SLC49A3: variants seen among roughly 807,000 people sequenced by gnomAD.
SLC49A3 encodes the protein solute carrier family 49 member 3, also known as solute carrier family 49 member A3.
Under a neutral mutation model 43.8 loss-of-function variants are expected in SLC49A3, and 50 were observed. The ratio of observed to expected loss-of-function variants is 1.14; its 90% CI spans 0.91 to 1.45. SLC49A3 has a LOEUF of 1.45. SLC49A3 is among the 40% of genes most tolerant of loss of function. SLC49A3 has a pLI of 0.00. For missense variants in SLC49A3, 906 were observed against 774.1 expected (o/e 1.17, Z -2.02); for synonymous variants, 413 against 352.0 (o/e 1.17, Z -1.94).
chr4:683,232 T>G lies in SLC49A3; in HGVS notation c.1129A>C (p.Thr377Pro). 1 of 1,612,640 alleles carries G rather than the reference T, an allele frequency of 6.2e-7. No individual in the cohort carries two copies. The part of the protein sequence containing the change: ...CSFPVGEGAA[T>P]GMIFVLGQAE... Reference sequence around the variant, plus strand: ...CACCCCAGCACAAAGATCATGCCTGTGGCAGCCCCCTCCCCCACGGGGAAG... The same window carrying G: ...CACCCCAGCACAAAGATCATGCCTGGGGCAGCCCCCTCCCCCACGGGGAAG... Residue 377 changes from threonine (T) to proline (P), a missense_variant, in exon 8 of 10, where the codon ACA becomes CCA. Physicochemically the swap from Thr to Pro is conservative, Grantham distance 38. Transcript: ENST00000322224.
At chr4:684,633 G>A (rs770288797) in intron 5 of SLC49A3, 34 bp from the exon 6 acceptor site, 131 of 1,610,548 alleles carry the variant, frequency 8.1e-5, no homozygotes, top group Non-Finnish European at 9.4e-5. Context: ...CCCGGAGCCC[G>A]GGGGCCCTTC....
At chr4:680,807 C>T, downstream of SLC49A3, 1 of 635,634 alleles carries the variant, frequency 1.6e-6, no homozygotes, top group Non-Finnish European at 2.7e-6. Flanking sequence ...GGGGCGGCTT[C>T]CCCTCAGCCC....
At chr4:683,020 G>A (rs1740128976) in intron 8 of SLC49A3, 130 bp from the exon 9 acceptor site, 1 of 1,100,696 alleles carries the variant, frequency 9.1e-7, no homozygotes, top group Non-Finnish European at 1.3e-6. Flanking sequence ...CGCAGCCTCG[G>A]TCATGGGCCC....
chr4:678,082 T>C (rs2109328718), downstream of SLC49A3: 3 of 1,606,516 alleles, frequency 1.9e-6, no homozygotes, highest in Admixed American at 1.7e-5. Flanking sequence ...TGAGCTGTGC[T>C]GTGCATGTGT....
chr4:680,339 C>T (rs916971621), downstream of SLC49A3, among the ~76,000 whole-genome samples: 3 of 152,158 alleles, frequency 2.0e-5, no homozygotes, highest in Non-Finnish European at 4.4e-5. Flanking sequence ...CCCGACAAGG[C>T]CTCCTTGGGG....
Position 681,947 on chromosome 4 carries a change from A to G in SLC49A3, c.*11T>C. 2.2e-6 allele frequency: 3 copies of G among 1,345,282 alleles called. No homozygotes were observed. Among genetic ancestry groups the G allele is most frequent in the Non-Finnish European group, 2.9e-6 (3 of 1,036,098 alleles). The allele number at this position is 1,345,282 out of a possible 1,614,324, so 83.3% of individuals were successfully genotyped here. On this transcript the variant is annotated 3_prime_UTR_variant, in exon 10 of 10. Coordinates refer to ENST00000322224, the MANE Select transcript of SLC49A3 (RefSeq NM_032219.4). ...CGATGTGGCGGGCAACCTGGACTAC[A>G]AGGCGCTCAGCTACGTGATCACCCA... is the stretch of plus-strand genomic sequence containing the variant.
At chr4:676,950 A>T (rs1484395746), downstream of SLC49A3, 1 of 984,942 alleles carries the variant, frequency 1.0e-6, no homozygotes, top group African/African-American at 1.7e-5. Context: ...GGGGACGCCA[A>T]CTGTGACCAT....
At chr4:686,734 G>C (rs1577368524) in intron 1 of SLC49A3, 44 bp from the exon 2 acceptor site, 1 of 1,587,926 alleles carries the variant, frequency 6.3e-7, no homozygotes, top group Non-Finnish European at 8.6e-7. Flanking sequence ...ACAGACCCCG[G>C]ACCTACCTGC....
At chr4:677,783 A>G (rs937298161), downstream of SLC49A3, 10 of 613,784 alleles carry the variant, frequency 1.6e-5, no homozygotes, top group African/African-American at 1.7e-4. Flanking sequence ...GATGGGAGGT[A>G]GTCCTGGCCA....
At chr4:682,621 C>T (rs984716324) in intron 9 of SLC49A3, among the ~76,000 whole-genome samples, 160 bp downstream of exon 9, 3 of 152,146 alleles carry the variant, frequency 2.0e-5, no homozygotes, top group East Asian at 1.9e-4. Flanking sequence ...CCACACCTGT[C>T]CTGGCTCACC....
At position 682,150 on chromosome 4, in the gene SLC49A3, GGCCCCCCTC is replaced by G; in HGVS notation, c.1479_1487del (p.Arg494_Ala496del). The G allele has an allele frequency of 7.5e-7, 1 of 1,339,780 alleles. No individual in the cohort carries two copies. Among genetic ancestry groups the G allele is most frequent in the South Asian group, 1.9e-5 (1 of 53,444 alleles). 83.0% of individuals were successfully genotyped at this position (1,339,780 alleles called of 1,614,324 possible). ...CGGGCCCTCTGGGGTCCTCTAGCGA[GGCCCCCCTC>G]GCCGTGCACTCCGGAGTCGCCGTGC... On this transcript the variant is annotated inframe_deletion, in exon 10 of 10. Transcript: ENST00000322224.
At chr4:690,824 C>T (rs546646388), upstream of SLC49A3, among the ~76,000 whole-genome samples, 1 of 152,388 alleles carries the variant, frequency 6.6e-6, no homozygotes, top group Admixed American at 6.5e-5. Context: ...AGCAGGTGAG[C>T]TCAGCAACAT....
At chr4:680,597 C>T (rs201376779), downstream of SLC49A3, 289 of 1,612,530 alleles carry the variant, frequency 1.8e-4, 2 homozygotes, top group East Asian at 8.9e-5. Flanking sequence ...AGTGAGTGCC[C>T]GGGCGGCCAG....
At chr4:678,519 C>G, downstream of SLC49A3, 1 of 1,452,024 alleles carries the variant, frequency 6.9e-7, no homozygotes, top group Non-Finnish European at 9.0e-7. Flanking sequence ...GGCTGGCATG[C>G]TCCTCAGCTG....
chr4:685,079 A>G lies in SLC49A3; in HGVS notation c.586-223T>C, dbSNP rs1740717391. On this transcript the variant is annotated intron_variant, in intron 4 of 9. Coordinates refer to ENST00000322224, the MANE Select transcript of SLC49A3 (RefSeq NM_032219.4). The surrounding 1 kb of genome is among the most constrained non-coding windows in gnomAD (Gnocchi z 4.3). The stretch of plus-strand genomic sequence containing the variant: ...TGTCAACGCATCCCTCACCAGTGAC[A>G]CCCTCCTGGCTGATGTTAGCCCAGC... 1.7e-6 allele frequency: 1 copy of G among 577,876 alleles called. No individual in the cohort carries two copies. The highest frequency in any genetic ancestry group is 3.0e-6 in the Non-Finnish European group (1 of 335,292). The allele number at this position is 577,876 out of a possible 1,614,324, so 35.8% of individuals were successfully genotyped here. A position where few individuals can be genotyped will look rare whatever the true frequency, so the allele number is the denominator to read the frequency against.
downstream of SLC49A3, chr4:678,930 G>A: frequency 6.2e-7 from 1 of 1,613,070 alleles, no homozygotes; most frequent in Non-Finnish European, 8.5e-7. Flanking sequence ...CGGGTTGGCA[G>A]CACAGCAGCC....
chr4:680,032 G>C (rs1560154617), downstream of SLC49A3: 2 of 1,595,124 alleles, frequency 1.3e-6, no homozygotes, highest in Admixed American at 1.7e-5. Context: ...AGCACCGGTG[G>C]GGCAGGCCTG....
chr4:680,228 G>A (rs560118813), downstream of SLC49A3, among the ~76,000 whole-genome samples: 6 of 152,292 alleles, frequency 3.9e-5, no homozygotes, highest in East Asian at 3.9e-4. Context: ...GTGACCCGCC[G>A]TCGACACCTC....
Position 682,186 on chromosome 4 carries a change from G to A in SLC49A3, c.1452C>T (p.Pro484=). The A allele has an allele frequency of 7.3e-7, 1 of 1,361,842 alleles. No homozygotes were observed. The highest frequency in any genetic ancestry group is 9.6e-7 in the Non-Finnish European group (1 of 1,045,728). The allele number at this position is 1,361,842 out of a possible 1,614,324, so 84.4% of individuals were successfully genotyped here. ...GGAGRAGVLG[P]STATPECTAR... is the part of the protein sequence containing the mutation. ...CCGTGCACTCCGGAGTCGCCGTGCT[G>A]GGCCCCAGGACCCCAGCCCTTCCTG... The change falls in exon 10 of 10, where the codon CCC becomes CCT. Residue 484 remains proline (P), a synonymous_variant. Coordinates refer to ENST00000322224, the MANE Select transcript of SLC49A3 (RefSeq NM_032219.4).
Sources: allele counts gnomAD v4.1 joint callset (sites outside exome capture counted in the v4.1 genomes callset), GRCh38; gene constraint gnomAD v4.1.1; non-coding constraint Gnocchi (gnomAD v3.1); transcripts MANE v1.5; gene names NCBI Gene and HGNC (gene_info 2026-07-23, HGNC 2026-07-21).